The following GSE1 variants were observed in gnomAD, a reference collection of about 807,000 sequenced individuals.
GSE1 encodes the protein genetic suppressor element 1.
GSE1 carries 32 observed loss-of-function variants against 112.6 expected under a neutral mutation model. That is an observed-to-expected ratio of 0.28 (90% CI 0.21 to 0.38). The LOEUF is 0.38. GSE1 is among the 10% of genes least tolerant of loss of function. The pLI is 1.00. For missense variants in GSE1, 2,348 were observed against 1,699.2 expected (o/e 1.38, Z -6.71); for synonymous variants, 1,115 against 735.6 (o/e 1.52, Z -8.35).
chr16:85,454,589 T>C (rs566222092), intron 2 of GSE1, among the ~76,000 whole-genome samples: 1 of 152,358 alleles, frequency 6.6e-6, no homozygotes, highest in Admixed American at 6.5e-5. Flanking sequence ...CAACACACAC[T>C]GACTCTCCCA....
At position 85,466,697 on chromosome 16, in the gene GSE1, TATATAGAG is replaced by T. The variant is rs796945292; in HGVS notation, c.2464+109056_2464+109063del. Among the ~76,000 whole-genome samples the T allele has an allele frequency of 6.1e-4, 76 of 123,922 alleles. 1 individual carries two copies. The South Asian group carries it at 9.2e-3, about 15-fold the overall frequency. 81.3% of individuals were successfully genotyped at this position (123,922 alleles called of 152,430 possible). A position where few individuals can be genotyped will look rare whatever the true frequency, so the allele number is the denominator to read the frequency against. On this transcript the variant is annotated intron_variant, in intron 2 of 2. Transcript: ENST00000637419. ...AATTAAAAAAAAAAAGAAATATATA[TATATAGAG>T]AGAGAGAGGGAGAGAGGGAGAGAGA...
intron 1 of GSE1, among the ~76,000 whole-genome samples, chr16:85,617,212 C>G (rs576534627): frequency 6.6e-6 from 1 of 152,344 alleles, no homozygotes; most frequent in East Asian, 1.9e-4. Flanking sequence ...CATGCCCACC[C>G]CGTGTCTGGA....
chr16:85,282,936 T>G (rs2044897865), intron 1 of GSE1: 1 of 152,256 alleles, frequency 6.6e-6, no homozygotes, highest in Non-Finnish European at 1.5e-5. Context: ...ACTTCTGCCT[T>G]GGGGTTTCTC....
At chr16:85,591,266 C>T (rs1245682383) in intron 1 of GSE1, among the ~76,000 whole-genome samples, 1 of 152,188 alleles carries the variant, frequency 6.6e-6, no homozygotes, top group Admixed American at 6.5e-5. Flanking sequence ...TCCAGGGCCC[C>T]TGGAGGTACC....
At position 85,419,758 on chromosome 16, in the gene GSE1, C is replaced by A. The variant is rs1056944404; in HGVS notation, c.2464+62115C>A. Among the ~76,000 whole-genome samples the A allele has an allele frequency of 6.6e-6, 1 of 152,092 alleles. No homozygotes were observed. The highest frequency in any genetic ancestry group is 2.4e-5 in the African/African-American group (1 of 41,416). On this transcript the variant is annotated intron_variant, in intron 2 of 2. Transcript: ENST00000637419. The surrounding 1 kb of genome is among the most constrained non-coding windows in gnomAD (Gnocchi z 6.5). ...AAACCCCTCTGATGCCTGCCTCCCC[C>A]GCCCCGCCCCCACCCCTCCAAGACT...
chr16:85,328,919 G>C (rs188259936), intron 1 of GSE1, among the ~76,000 whole-genome samples: 7 of 152,224 alleles, frequency 4.6e-5, no homozygotes, highest in Admixed American at 4.6e-4. Flanking sequence ...GCCTGGCAGA[G>C]GAAGAGGATG....
intron 1 of GSE1, among the ~76,000 whole-genome samples, chr16:85,223,272 C>G (rs1041099221): frequency 7.2e-5 from 11 of 152,202 alleles, no homozygotes; most frequent in African/African-American, 2.7e-4. Context: ...CCTGTAATCC[C>G]AACACTTTGG....
At chr16:85,441,054 G>A (rs979498976) in intron 2 of GSE1, among the ~76,000 whole-genome samples, 3 of 152,230 alleles carry the variant, frequency 2.0e-5, no homozygotes, top group Admixed American at 6.5e-5. Flanking sequence ...GAGATGGGTG[G>A]CAGCTGATCC....
intron 2 of GSE1, among the ~76,000 whole-genome samples, chr16:85,450,609 C>T (rs1239051216): frequency 7.3e-5 from 11 of 151,716 alleles, no homozygotes; most frequent in Admixed American, 1.3e-4. Context: ...CTACCATGCC[C>T]AGCTACTTTT....
At chr16:85,173,110 C>T (rs1000755341) in intron 1 of GSE1, among the ~76,000 whole-genome samples, 1 of 152,214 alleles carries the variant, frequency 6.6e-6, no homozygotes, top group African/African-American at 2.4e-5. Flanking sequence ...CCCTGGGAGT[C>T]AGAAGAGCTG....
At chr16:85,178,265 C>T (rs542551715) in intron 1 of GSE1, among the ~76,000 whole-genome samples, 13 of 152,172 alleles carry the variant, frequency 8.5e-5, no homozygotes, top group Admixed American at 7.2e-4. Context: ...CAGCCAAGTC[C>T]GTGTAGGGGC....
intron 1 of GSE1, among the ~76,000 whole-genome samples, chr16:85,632,933 G>T (rs1598463186): frequency 6.6e-6 from 1 of 152,194 alleles, no homozygotes; most frequent in Admixed American, 6.5e-5. Context: ...GCGGACTGAG[G>T]GCTTGTTTGG....
intron 1 of GSE1, among the ~76,000 whole-genome samples, chr16:85,257,674 G>A (rs1436737229): frequency 2.0e-5 from 3 of 152,204 alleles, no homozygotes; most frequent in African/African-American, 7.2e-5. Flanking sequence ...GGCAGGACGT[G>A]GTGGTGCGCA....
chr16:85,597,055 G>A (rs539286218), intron 1 of GSE1, among the ~76,000 whole-genome samples: 1 of 151,984 alleles, frequency 6.6e-6, no homozygotes, highest in African/African-American at 2.4e-5. Context: ...TTGGCTCACT[G>A]CAATCTCCAC....
At chr16:85,483,613 G>A (rs2151877644) in intron 2 of GSE1, among the ~76,000 whole-genome samples, 1 of 152,388 alleles carries the variant, frequency 6.6e-6, no homozygotes, top group Non-Finnish European at 1.5e-5. Context: ...TAGGCCCTGT[G>A]GGATCAAGTG....
In GSE1 at chr16:85,373,026, CTG is replaced by C. The variant is rs1341453842; in HGVS notation, c.2464+15386_2464+15387del. Among the ~76,000 whole-genome samples the C allele has an allele frequency of 3.9e-5, 6 of 152,266 alleles. No homozygotes were observed. The highest frequency in any genetic ancestry group is 1.4e-4 in the African/African-American group (6 of 41,480). ...ACCGGTTAGGAAAGTGTTCTCTAAA[CTG>C]TGAGACATGCAGAAGTTCTCCAGAA... On this transcript the variant is annotated intron_variant, in intron 2 of 2. Coordinates refer to the GSE1 transcript ENST00000637419. The surrounding 1 kb of genome is among the most constrained non-coding windows in gnomAD (Gnocchi z 5.1).
intron 1 of GSE1, among the ~76,000 whole-genome samples, chr16:85,218,662 A>T (rs1435102163): frequency 1.3e-5 from 2 of 152,124 alleles, no homozygotes; most frequent in African/African-American, 4.8e-5. Flanking sequence ...GGCCTGTGGG[A>T]GTCCAGCAAG....
At chr16:85,498,246 G>A (rs2051246254) in intron 2 of GSE1, among the ~76,000 whole-genome samples, 1 of 152,154 alleles carries the variant, frequency 6.6e-6, no homozygotes, top group Non-Finnish European at 1.5e-5. Flanking sequence ...CTGCTGGGGT[G>A]TCCTCAGTGA....
At chr16:85,619,514 C>T (rs540272202) in intron 1 of GSE1, among the ~76,000 whole-genome samples, 7 of 152,206 alleles carry the variant, frequency 4.6e-5, no homozygotes, top group South Asian at 2.1e-4. Flanking sequence ...GGGTGCCAAG[C>T]GATGCCCCAC....
Sources: gnomAD v4.1 joint callset for allele counts (sites outside exome capture counted in the v4.1 genomes callset) on GRCh38, gnomAD v4.1.1 for gene constraint, Gnocchi (gnomAD v3.1) non-coding constraint, MANE v1.5 for transcripts, NCBI Gene and HGNC (gene_info 2026-07-23, HGNC 2026-07-21) for gene names.